PDE1C: variants seen among roughly 807,000 people sequenced by gnomAD.
The protein encoded by PDE1C is dual specificity calcium/calmodulin-dependent 3',5'-cyclic nucleotide phosphodiesterase 1C.
In PDE1C, 62 loss-of-function variants were observed where a neutral mutation model predicts 93.1. That is an observed-to-expected ratio of 0.67 (90% CI 0.54 to 0.82). The LOEUF is 0.82. PDE1C is among the 40% of genes least tolerant of loss of function. The probability of loss-of-function intolerance (pLI) is 0.00; values close to 1 mark genes in which losing one functional copy is unlikely to be tolerated. For missense variants in PDE1C, 742 were observed against 884.6 expected (o/e 0.84, Z 2.04); for synonymous variants, 325 against 310.1 (o/e 1.05, Z -0.50).
intron 1 of PDE1C, among the ~76,000 whole-genome samples, chr7:32,213,542 T>G (rs1262817906): frequency 6.6e-6 from 1 of 152,212 alleles, no homozygotes; most frequent in Admixed American, 6.5e-5. Context: ...AGTGCACAAC[T>G]GCCCAGATGC....
chr7:31,791,212 C>G (rs1784561440), intron 16 of PDE1C, among the ~76,000 whole-genome samples: 1 of 152,102 alleles, frequency 6.6e-6, no homozygotes, highest in African/African-American at 2.4e-5. Context: ...TAATTACAGT[C>G]AATTCTCAAT....
At chr7:31,954,331 A>G (rs1168999166) in intron 2 of PDE1C, among the ~76,000 whole-genome samples, 1 of 152,198 alleles carries the variant, frequency 6.6e-6, no homozygotes, top group African/African-American at 2.4e-5. Flanking sequence ...GCCACAAAAC[A>G]GAAAGAGCCT....
chr7:32,246,170 T>C (rs1334149526), intron 1 of PDE1C, among the ~76,000 whole-genome samples: 2 of 152,088 alleles, frequency 1.3e-5, no homozygotes, highest in African/African-American at 4.8e-5. Context: ...GGTTTCACTA[T>C]GTTTCCCAGG....
chr7:32,018,194 C>G (rs892590531), intron 2 of PDE1C, among the ~76,000 whole-genome samples: 1 of 151,758 alleles, frequency 6.6e-6, no homozygotes, highest in South Asian at 2.1e-4. Flanking sequence ...AAATTGGAAC[C>G]CTCATACACT....
rs557790133 is a variant in PDE1C at position 32,152,698 on chromosome 7, A to G, written c.308+17087T>C. 1.5e-4 allele frequency among the ~76,000 whole-genome samples: 23 copies of G among 152,332 alleles called. No individual in the cohort carries two copies. The South Asian group carries it at 4.8e-3, about 32-fold the overall frequency. On this transcript the variant is annotated intron_variant, in intron 3 of 18. Coordinates refer to the PDE1C transcript ENST00000396193. ...GGACTTATATCATAGCATTCCTTTAAAGAGTGAAAATCTGAGAAGAATCTA... is the reference window on the plus strand; with the variant it reads ...GGACTTATATCATAGCATTCCTTTAGAGAGTGAAAATCTGAGAAGAATCTA...
chr7:32,391,689 T>A (rs1218872171), intron 1 of PDE1C, among the ~76,000 whole-genome samples: 2 of 151,952 alleles, frequency 1.3e-5, no homozygotes, highest in Non-Finnish European at 2.9e-5. Context: ...TAATAGGAAA[T>A]CTGAAATCCA....
chr7:31,779,752 T>C (rs1475908273), intron 16 of PDE1C, among the ~76,000 whole-genome samples: 2 of 152,200 alleles, frequency 1.3e-5, no homozygotes, highest in African/African-American at 4.8e-5. Context: ...TCCAGTTCAC[T>C]GAGGATGTGT....
chr7:32,091,509 A>C (rs1040946552), intron 3 of PDE1C, among the ~76,000 whole-genome samples: 8 of 152,170 alleles, frequency 5.3e-5, no homozygotes, highest in Non-Finnish European at 1.2e-4. Context: ...GCCTCAAAGA[A>C]GGTGAGCAAG....
intron 1 of PDE1C, among the ~76,000 whole-genome samples, chr7:32,242,262 G>C (rs1321168620): frequency 6.6e-6 from 1 of 152,158 alleles, no homozygotes; most frequent in Non-Finnish European, 1.5e-5. Context: ...GAGTCTGATA[G>C]GGCTGATGGA....
At chr7:31,673,762 A>T in the PDE1C span, among the ~76,000 whole-genome samples, 4 of 151,524 alleles carry the variant, frequency 2.6e-5, no homozygotes, top group Non-Finnish European at 2.9e-5. Flanking sequence ...AACATCACTG[A>T]TTGGTAAACA....
At chr7:32,084,259 C>T (rs893937584) in intron 3 of PDE1C, among the ~76,000 whole-genome samples, 11 of 151,944 alleles carry the variant, frequency 7.2e-5, no homozygotes, top group African/African-American at 2.7e-4. Context: ...CAAAGAAGGC[C>T]ATTAGATAAT....
chr7:32,165,378 C>T (rs1441702804), intron 3 of PDE1C, among the ~76,000 whole-genome samples: 10 of 152,134 alleles, frequency 6.6e-5, no homozygotes, highest in Admixed American at 4.6e-4. Flanking sequence ...TTAAAACAGG[C>T]CAGAACAGGT....
At chr7:31,950,656 C>G (rs1373819018) in intron 2 of PDE1C, among the ~76,000 whole-genome samples, 1 of 152,038 alleles carries the variant, frequency 6.6e-6, no homozygotes, top group Non-Finnish European at 1.5e-5. Flanking sequence ...AACTTGAATC[C>G]ACTCATTAAT....
intron 2 of PDE1C, among the ~76,000 whole-genome samples, chr7:32,018,348 G>A (rs917684046): frequency 2.6e-5 from 4 of 151,828 alleles, no homozygotes; most frequent in Non-Finnish European, 5.9e-5. Flanking sequence ...AAAAACATAC[G>A]TCTACCCAAA....
chr7:31,985,031 T>C (rs964826565), intron 2 of PDE1C, among the ~76,000 whole-genome samples: 3 of 151,986 alleles, frequency 2.0e-5, no homozygotes, highest in African/African-American at 7.3e-5. Flanking sequence ...GAGAGCAAAA[T>C]GTAAGGAAAT....
intron 2 of PDE1C, among the ~76,000 whole-genome samples, chr7:32,176,558 T>G (rs781303772): frequency 7.9e-5 from 12 of 152,252 alleles, no homozygotes; most frequent in Non-Finnish European, 1.2e-4. Flanking sequence ...TAAAATTGAA[T>G]AGAAACAGAA....
At chr7:31,643,942 G>A in the PDE1C span, 2 of 1,610,064 alleles carry the variant, frequency 1.2e-6, no homozygotes, top group Non-Finnish European at 8.5e-7. Flanking sequence ...TACAGTGAGG[G>A]AGCTATGTTC....
intron 2 of PDE1C, among the ~76,000 whole-genome samples, chr7:31,953,524 C>T (rs1445095600): frequency 6.6e-6 from 1 of 152,174 alleles, no homozygotes; most frequent in African/African-American, 2.4e-5. Context: ...GGAACACCTT[C>T]GCTAGGAAGA....
intron 1 of PDE1C, among the ~76,000 whole-genome samples, chr7:32,244,610 G>C (rs557231009): frequency 6.6e-6 from 1 of 152,118 alleles, no homozygotes; most frequent in Admixed American, 6.5e-5. Context: ...CCAGTGCCAC[G>C]AGATGGTCCA....
Sources: gnomAD v4.1 joint callset for allele counts (sites outside exome capture counted in the v4.1 genomes callset) on GRCh38, gnomAD v4.1.1 for gene constraint, MANE v1.5 for transcripts, NCBI Gene and HGNC (gene_info 2026-07-23, HGNC 2026-07-21) for gene names.